The following KLRG2 variants were observed in gnomAD, a reference collection of about 807,000 sequenced individuals.
The protein encoded by KLRG2 is killer cell lectin-like receptor subfamily G member 2.
In KLRG2, 39 loss-of-function variants were observed where a neutral mutation model predicts 35.4. The ratio of observed to expected loss-of-function variants is 1.10; its 90% CI spans 0.85 to 1.44. The LOEUF is 1.44. Among genes scored for constraint, KLRG2 ranks in the 40% most tolerant of loss-of-function variants. The probability of loss-of-function intolerance (pLI) is 0.00; values close to 1 mark genes in which losing one functional copy is unlikely to be tolerated. For synonymous variants in KLRG2, 283 were observed against 265.8 expected, an observed-to-expected ratio of 1.06 and a Z score of -0.63; for missense variants, 632 against 570.9, an observed-to-expected ratio of 1.11 and a Z score of -1.09.
rs201747189 is a variant in KLRG2 at position 139,454,136 on chromosome 7, C to G, written c.1084G>C (p.Asp362His). Reference protein sequence around the residue: ...WRGPQGWHWIDEAPLPPQLLP... With the variant: ...WRGPQGWHWIHEAPLPPQLLP... ...AGCTGGGGCGGGAGTGGGGCCTCGT[C>G]GATCCAGTGCCAGCCCTGGGGGCCT... Residue 362 changes from aspartate to histidine, a missense_variant, in exon 4 of 5, where the codon GAC becomes CAC. Transcript: ENST00000340940. 9.7e-6 allele frequency: 15 copies of G among 1,545,086 alleles called. No homozygotes were observed. In the Admixed American group the frequency reaches 2.4e-4, roughly 25 times the overall value.
chr7:139,451,435 G>A (rs1272892431), downstream of KLRG2, among the ~76,000 whole-genome samples: 1 of 152,158 alleles, frequency 6.6e-6, no homozygotes, highest in Admixed American at 6.5e-5. Flanking sequence ...AGGAGGCGGA[G>A]GTTGCGGTGA....
At chr7:139,429,909 G>A in the KLRG2 span, among the ~76,000 whole-genome samples, 3 of 152,074 alleles carry the variant, frequency 2.0e-5, no homozygotes, top group Admixed American at 6.6e-5. Flanking sequence ...ACGGGGTGGC[G>A]GCCGGGCAGA....
chr7:139,479,734 A>G lies in KLRG2; in HGVS notation c.898T>C (p.Ser300Pro). The change falls in exon 3 of 5, where the codon TCC becomes CCC. Residue 300 changes from serine (S) to proline (P), a missense_variant. Physicochemically the swap from Ser to Pro is moderately conservative, Grantham distance 74. Coordinates refer to ENST00000340940, the MANE Select transcript of KLRG2 (RefSeq NM_198508.4). ...GAGAAGTAGTAACAGTGCTCCTCGG[A>G]CAACACCCAGCCTGGGGGGCACTGC... ...CQQCPPGWVL[S>P]EEHCYYFSAE... 2 of 1,614,040 alleles carry G rather than the reference A, an allele frequency of 1.2e-6. No individual in the cohort carries two copies. The highest frequency in any genetic ancestry group is 1.7e-6 in the Non-Finnish European group (2 of 1,180,002).
At chr7:139,474,768 T>A (rs920243227) in intron 3 of KLRG2, among the ~76,000 whole-genome samples, 6 of 152,028 alleles carry the variant, frequency 3.9e-5, no homozygotes, top group South Asian at 2.1e-4. Context: ...CTCAAAAAAA[T>A]AAATAAATAA....
In KLRG2 at chr7:139,468,937, C is replaced by T. The variant is rs558554350; in HGVS notation, c.1005+10690G>A. 4.6e-5 allele frequency among the ~76,000 whole-genome samples: 7 copies of T among 152,110 alleles called. No homozygotes were observed. In the East Asian group the frequency reaches 7.7e-4, roughly 17 times the overall value. ...ACAAGAGGAGTAAATTTAGACATGCCGAGAGACACTAGAGATGGGAGGGCA... is the reference window on the plus strand; with the variant it reads ...ACAAGAGGAGTAAATTTAGACATGCTGAGAGACACTAGAGATGGGAGGGCA... On this transcript the variant is annotated intron_variant, in intron 3 of 4. Coordinates refer to ENST00000340940, the MANE Select transcript of KLRG2 (RefSeq NM_198508.4).
chr7:139,439,170 A>G, the KLRG2 span, among the ~76,000 whole-genome samples: 4 of 152,204 alleles, frequency 2.6e-5, no homozygotes, highest in African/African-American at 9.7e-5. Flanking sequence ...CAACTGGTGA[A>G]TGGATAAACA....
chr7:139,449,915 A>C (rs1336502601), downstream of KLRG2, among the ~76,000 whole-genome samples: 1 of 150,458 alleles, frequency 6.6e-6, no homozygotes, highest in Non-Finnish European at 1.5e-5. Context: ...GTTAGCCAGG[A>C]TGGTCTCGAT....
At chr7:139,470,946 G>T (rs1042859519) in intron 3 of KLRG2, among the ~76,000 whole-genome samples, 1 of 151,448 alleles carries the variant, frequency 6.6e-6, no homozygotes, top group Admixed American at 6.6e-5. Flanking sequence ...AGGTTAAAGC[G>T]ATTCTCCTGC....
chr7:139,483,354 C>T lies in KLRG2; in HGVS notation c.289G>A (p.Gly97Ser). 2 of 1,542,048 alleles carry T rather than the reference C, an allele frequency of 1.3e-6. No individual in the cohort carries two copies. Among genetic ancestry groups the T allele is most frequent in the South Asian group, 1.2e-5 (1 of 85,222 alleles). Residue 97 changes from glycine (G) to serine (S), a missense_variant, in exon 1 of 5, where the codon GGC becomes AGC. By Grantham distance (56) the Gly-to-Ser change is moderately conservative. Coordinates refer to ENST00000340940, the MANE Select transcript of KLRG2 (RefSeq NM_198508.4). ...CGGGGCAGCTTGACCAAGGCAGGGC[C>T]CGGTGACGGCGGCTCGGGGCAGACC... is the stretch of plus-strand genomic sequence containing the variant. ...YGVCPEPPSP[G>S]PALVKLPRNG...
At chr7:139,451,689 A>G (rs1796379097), downstream of KLRG2, among the ~76,000 whole-genome samples, 1 of 151,944 alleles carries the variant, frequency 6.6e-6, no homozygotes, top group South Asian at 2.1e-4. Flanking sequence ...TTGGAGTCAG[A>G]TAGCAAGTGG....
chr7:139,455,685 G>A (rs1028510896), intron 3 of KLRG2, among the ~76,000 whole-genome samples: 9 of 152,190 alleles, frequency 5.9e-5, no homozygotes, highest in African/African-American at 2.2e-4. Flanking sequence ...ACGTGGTGGA[G>A]GGGGCAGTGA....
downstream of KLRG2, among the ~76,000 whole-genome samples, chr7:139,449,683 T>C (rs1796346286): frequency 6.7e-6 from 1 of 150,088 alleles, no homozygotes; most frequent in African/African-American, 2.5e-5. Context: ...TCTTCCTCTA[T>C]ATCCTTATTC....
At chr7:139,469,628 G>C (rs1796723684) in intron 3 of KLRG2, among the ~76,000 whole-genome samples, 1 of 152,134 alleles carries the variant, frequency 6.6e-6, no homozygotes, top group African/African-American at 2.4e-5. Flanking sequence ...ATTTTTGGTA[G>C]AGATGGGGTT....
At chr7:139,477,261 A>G (rs1303162963) in intron 3 of KLRG2, among the ~76,000 whole-genome samples, 4 of 152,164 alleles carry the variant, frequency 2.6e-5, no homozygotes, top group Non-Finnish European at 5.9e-5. Flanking sequence ...TCTCGAAGAG[A>G]TATTTGTCCA....
the KLRG2 span, among the ~76,000 whole-genome samples, chr7:139,428,733 G>A: frequency 6.6e-6 from 1 of 152,128 alleles, no homozygotes; most frequent in African/African-American, 2.4e-5. Context: ...TGAGAAATTA[G>A]GATATGGATT....
At chr7:139,455,572 C>T (rs868028079) in intron 3 of KLRG2, among the ~76,000 whole-genome samples, 11 of 151,280 alleles carry the variant, frequency 7.3e-5, no homozygotes, top group Non-Finnish European at 1.6e-4. Context: ...CCGCCTGCCT[C>T]GGCCTCTCAA....
downstream of KLRG2, among the ~76,000 whole-genome samples, chr7:139,452,465 T>C (rs1195787665): frequency 1.3e-5 from 2 of 152,130 alleles, no homozygotes; most frequent in Non-Finnish European, 2.9e-5. Context: ...TAATGAAAAA[T>C]ACAGTGTGAG....
Position 139,483,449 on chromosome 7 carries a change from G to A in KLRG2, c.194C>T (p.Ser65Leu). ...AGGCGAAGGCGGCTTTTTCTTGCTC[G>A]AGGGCTCCAGGCCTGCGCCCGCCGC... ...EKAAGAGLEP[S>L]SKKKPPSPRP... Residue 65 changes from serine (S) to leucine (L), a missense_variant, in exon 1 of 5, where the codon TCG (serine) becomes TTG (leucine). By Grantham distance (145) the Ser-to-Leu change is moderately radical. Coordinates refer to ENST00000340940, the MANE Select transcript of KLRG2 (RefSeq NM_198508.4). 1 of 1,577,430 alleles carries A rather than the reference G, an allele frequency of 6.3e-7. No homozygotes were observed. Among genetic ancestry groups the A allele is most frequent in the African/African-American group, 1.4e-5 (1 of 71,920 alleles).
downstream of KLRG2, among the ~76,000 whole-genome samples, chr7:139,447,728 AC>A (rs1479399443): frequency 4.6e-5 from 7 of 151,930 alleles, no homozygotes; most frequent in African/African-American, 1.7e-4. Context: ...TTCTTGTCAC[AC>A]CCAGTTAAAA....
Sources: allele counts gnomAD v4.1 joint callset (sites outside exome capture counted in the v4.1 genomes callset), GRCh38; gene constraint gnomAD v4.1.1; transcripts MANE v1.5; gene names NCBI Gene and HGNC (gene_info 2026-07-23, HGNC 2026-07-21).